The following ENOX2 variants were observed in gnomAD, a reference collection of about 807,000 sequenced individuals.
ENOX2 encodes APK1 antigen.
In ENOX2, 36 loss-of-function variants were observed where a neutral mutation model predicts 45.0. The observed-to-expected ratio is 0.80, with a 90% CI of 0.61 to 1.06. The LOEUF (loss-of-function observed/expected upper bound fraction) is 1.06, where lower values mean the gene tolerates loss of function less well. Among genes scored for constraint, ENOX2 ranks in the 50% least tolerant of loss-of-function variants. The probability of loss-of-function intolerance (pLI) is 0.00; values close to 1 mark genes in which losing one functional copy is unlikely to be tolerated. For missense variants in ENOX2, 423 were observed against 462.5 expected (o/e 0.91, Z 0.78); for synonymous variants, 174 against 152.3 (o/e 1.14, Z -1.05).
intron 2 of ENOX2, among the ~76,000 whole-genome samples, chrX:130,827,257 T>C (rs1181269714): frequency 8.9e-6 from 1 of 111,893 alleles, no homozygotes; most frequent in East Asian, 2.8e-4. Flanking sequence ...TACCTGTAAA[T>C]GGGTTGATAT....
intron 2 of ENOX2, among the ~76,000 whole-genome samples, chrX:130,831,195 C>T (rs150505146): frequency 6.9e-4 from 77 of 111,014 alleles, no homozygotes; most frequent in African/African-American, 2.5e-3. Context: ...CTTACGGGTA[C>T]CATTTCCCAA....
chrX:130,875,102 G>T (rs938783943), intron 2 of ENOX2, among the ~76,000 whole-genome samples: 1 of 111,604 alleles, frequency 9.0e-6, no homozygotes, highest in Admixed American at 9.5e-5. Flanking sequence ...GTTTTAAAAG[G>T]TATAGGTTTG....
At chrX:130,704,628 T>G (rs1239750535) in intron 3 of ENOX2, among the ~76,000 whole-genome samples, 1 of 112,089 alleles carries the variant, frequency 8.9e-6, no homozygotes. Flanking sequence ...CAAGGCAACA[T>G]CAGGGCTGAC....
In ENOX2 at chrX:130,676,317, A is replaced by AT. The variant is rs371011770; in HGVS notation, c.460+3224dup. 7.5e-3 allele frequency among the ~76,000 whole-genome samples: 814 copies of AT among 108,799 alleles called. 2 individuals are homozygous for AT. The highest frequency in any genetic ancestry group is 9.8e-3 in the Non-Finnish European group (511 of 51,914). 94.5% of individuals were successfully genotyped at this position (108,799 alleles called of 115,157 possible). A position where few individuals can be genotyped will look rare whatever the true frequency, so the allele number is the denominator to read the frequency against. ...ATTTTCTAGCCCCCTTTTGTAAGGG[A>AT]TTTTTTTTTTGTTTCTTTTAACTGC... is the stretch of plus-strand genomic sequence containing the variant. On this transcript the variant is annotated intron_variant, in intron 6 of 14. Coordinates refer to ENST00000394363, the MANE Select transcript of ENOX2 (RefSeq NM_006375.4).
rs113593647 is a variant in ENOX2, at chrX:130,841,078, T to C, written c.-182-57388A>G. The stretch of plus-strand genomic sequence containing the variant: ...GGATTCTGACAGTGGCATCACTGGA[T>C]TGTTTTAGAGGAGAACACGGTCCTT... On this transcript the variant is annotated intron_variant, in intron 2 of 14. Coordinates refer to ENST00000394363, the MANE Select transcript of ENOX2 (RefSeq NM_006375.4). Among the ~76,000 whole-genome samples the C allele has an allele frequency of 2.4e-3, 273 of 111,946 alleles. 1 individual carries two copies. Among genetic ancestry groups the C allele is most frequent in the Non-Finnish European group, 3.6e-3 (194 of 53,217 alleles).
At chrX:130,892,450 G>A (rs988777952) in intron 2 of ENOX2, among the ~76,000 whole-genome samples, 1 of 112,314 alleles carries the variant, frequency 8.9e-6, no homozygotes, top group African/African-American at 3.2e-5. Flanking sequence ...GAAGTACCAG[G>A]CAGGTGGAGA....
At chrX:130,859,780 G>A (rs748969528) in intron 2 of ENOX2, among the ~76,000 whole-genome samples, 1 of 111,827 alleles carries the variant, frequency 8.9e-6, no homozygotes, top group South Asian at 3.8e-4. Flanking sequence ...GTTTAGACAA[G>A]TAATGATGTG....
At position 130,783,652 on chromosome X, in the gene ENOX2, C is replaced by G. The variant is rs926979512; in HGVS notation, c.-144G>C. On this transcript the variant is annotated 5_prime_UTR_variant, in exon 3 of 15. Transcript: ENST00000394363. ...CTGGCACTACCAAACTGCAGGGGCT[C>G]GTTGTTGTTAGCAGGGTCAAAGGGC... The G allele has an allele frequency of 9.2e-6, 3 of 326,617 alleles. No homozygotes were observed. The highest frequency in any genetic ancestry group is 1.8e-5 in the Non-Finnish European group (3 of 168,523). 26.9% of individuals were successfully genotyped at this position (326,617 alleles called of 1,213,427 possible).
chrX:130,896,740 T>C (rs1465616327), intron 2 of ENOX2, among the ~76,000 whole-genome samples: 1 of 112,183 alleles, frequency 8.9e-6, no homozygotes, highest in African/African-American at 3.2e-5. Flanking sequence ...AGAAATATTT[T>C]ACTCAGATGA....
chrX:130,624,391 A>C lies in ENOX2; in HGVS notation c.*923T>G, dbSNP rs923243454. ...GTATTTACAGCAGTACTCGGTTTGC[A>C]ATTCAACACACTGACAACAGAAGCA... On this transcript the variant is annotated 3_prime_UTR_variant, in exon 15 of 15. Coordinates refer to ENST00000394363, the MANE Select transcript of ENOX2 (RefSeq NM_006375.4). The C allele has an allele frequency of 8.9e-5, 10 of 112,925 alleles. No homozygotes were observed. Among genetic ancestry groups the C allele is most frequent in the African/African-American group, 1.6e-4 (5 of 30,998 alleles). 9.3% of individuals were successfully genotyped at this position (112,925 alleles called of 1,213,427 possible).
chrX:130,742,823 A>T (rs1011362662), intron 3 of ENOX2, among the ~76,000 whole-genome samples: 4 of 112,134 alleles, frequency 3.6e-5, no homozygotes, highest in African/African-American at 1.3e-4. Flanking sequence ...ACTGCTAGCC[A>T]CTGCTGTACA....
intron 2 of ENOX2, among the ~76,000 whole-genome samples, chrX:130,789,388 T>G (rs1445642200): frequency 2.7e-5 from 3 of 112,175 alleles, no homozygotes; most frequent in Non-Finnish European, 5.6e-5. Context: ...TCTAACACTT[T>G]TAATGATTGC....
intron 2 of ENOX2, among the ~76,000 whole-genome samples, chrX:130,889,444 G>A (rs1437197886): frequency 9.0e-6 from 1 of 111,578 alleles, no homozygotes. Flanking sequence ...TGCTACTACT[G>A]AAGATGCCAG....
chrX:130,688,064 G>C lies in ENOX2; in HGVS notation c.253+799C>G, dbSNP rs1485819600. ...TTGTACTGCAGTGGTGGTTCCCTTG[G>C]TATGCCACCCAGTATGACTAGAACT... is the stretch of plus-strand genomic sequence containing the variant. On this transcript the variant is annotated intron_variant, in intron 5 of 14. Coordinates refer to ENST00000394363, the MANE Select transcript of ENOX2 (RefSeq NM_006375.4). Among the ~76,000 whole-genome samples the C allele has an allele frequency of 6.2e-5, 7 of 112,142 alleles. 1 individual carries two copies. Among genetic ancestry groups the C allele is most frequent in the Admixed American group, 5.7e-4 (6 of 10,601 alleles).
At chrX:130,669,875 A>G in intron 7 of ENOX2, 90 bp downstream of exon 7, 1 of 666,842 alleles carries the variant, frequency 1.5e-6, no homozygotes, top group Non-Finnish European at 2.3e-6. Context: ...AGGAAACTCA[A>G]AGTGTAACTG....
At chrX:130,796,875 C>T (rs1282764953) in intron 2 of ENOX2, among the ~76,000 whole-genome samples, 1 of 111,792 alleles carries the variant, frequency 8.9e-6, no homozygotes, top group Non-Finnish European at 1.9e-5. Flanking sequence ...TGTTTTTCTC[C>T]CTGCCAAAGA....
intron 2 of ENOX2, among the ~76,000 whole-genome samples, chrX:130,861,283 A>G (rs934304384): frequency 1.3e-4 from 14 of 111,054 alleles, no homozygotes; most frequent in Non-Finnish European, 2.5e-4. Context: ...TGAAATCATT[A>G]TCTTGAAGAG....
chrX:130,803,232 GT>G (rs1457289648), intron 2 of ENOX2, among the ~76,000 whole-genome samples: 2 of 111,789 alleles, frequency 1.8e-5, no homozygotes, highest in Admixed American at 9.5e-5. Flanking sequence ...TTTGAAAATA[GT>G]TTATTAAACA....
chrX:130,657,352 A>G (rs1165037149), intron 9 of ENOX2, among the ~76,000 whole-genome samples: 4 of 111,770 alleles, frequency 3.6e-5, no homozygotes, highest in African/African-American at 9.8e-5. Flanking sequence ...TTTAAAGGGC[A>G]ATTTAGTCTG....
Sources: gnomAD v4.1 joint callset for allele counts (sites outside exome capture counted in the v4.1 genomes callset) on GRCh38, gnomAD v4.1.1 for gene constraint, MANE v1.5 for transcripts, NCBI Gene and HGNC (gene_info 2026-07-23, HGNC 2026-07-21) for gene names.